Variants in SLC22A3 observed in about 807,000 individuals in gnomAD.
The protein encoded by SLC22A3 is solute carrier family 22 member 3.
SLC22A3 carries 51 observed loss-of-function variants against 59.1 expected under a neutral mutation model. The ratio of observed to expected loss-of-function variants is 0.86; its 90% CI spans 0.69 to 1.09. The LOEUF (loss-of-function observed/expected upper bound fraction) is 1.09, where lower values mean the gene tolerates loss of function less well. Ranked by LOEUF, SLC22A3 falls within the 50% of genes least tolerant of loss-of-function variation. The probability of loss-of-function intolerance (pLI) is 0.00; values close to 1 mark genes in which losing one functional copy is unlikely to be tolerated. For synonymous variants in SLC22A3, 325 were observed against 292.0 expected, an observed-to-expected ratio of 1.11 and a Z score of -1.15; for missense variants, 711 against 726.3, an observed-to-expected ratio of 0.98 and a Z score of 0.24.
At chr6:160,360,962 G>C (rs1784994955) in intron 1 of SLC22A3, among the ~76,000 whole-genome samples, 1 of 152,138 alleles carries the variant, frequency 6.6e-6, no homozygotes, top group African/African-American at 2.4e-5. Context: ...TAAAAGAAGG[G>C]GTAGGGAGTA....
chr6:160,378,687 T>C (rs1034545227), intron 1 of SLC22A3, among the ~76,000 whole-genome samples: 11 of 152,208 alleles, frequency 7.2e-5, no homozygotes, highest in African/African-American at 2.7e-4. Flanking sequence ...ATGCATTTAA[T>C]ATACCTAATC....
chr6:160,414,004 C>T (rs1787365134), intron 5 of SLC22A3, among the ~76,000 whole-genome samples: 1 of 152,176 alleles, frequency 6.6e-6, no homozygotes, highest in African/African-American at 2.4e-5. Flanking sequence ...TGAAGAATTT[C>T]CACAGTCTAA....
At chr6:160,377,739 A>G (rs1252849850) in intron 1 of SLC22A3, among the ~76,000 whole-genome samples, 3 of 152,134 alleles carry the variant, frequency 2.0e-5, no homozygotes, top group South Asian at 4.1e-4. Flanking sequence ...ACAATCCACC[A>G]AAAGAACAAA....
chr6:160,447,608 G>T, intron 9 of SLC22A3, 111 bp from the exon 10 acceptor site: 2 of 870,798 alleles, frequency 2.3e-6, no homozygotes, highest in Non-Finnish European at 3.9e-6. Flanking sequence ...GGTTGCTGTG[G>T]TTGAGAGCTA....
At chr6:160,419,791 A>G (rs1187059620) in intron 5 of SLC22A3, among the ~76,000 whole-genome samples, 1 of 152,204 alleles carries the variant, frequency 6.6e-6, no homozygotes, top group African/African-American at 2.4e-5. Context: ...TTGACTTAGA[A>G]TATGCTTGAA....
rs1420159593 is a variant in SLC22A3, at chr6:160,386,785, CATT to C, written c.430-11190_430-11188del. Among the ~76,000 whole-genome samples the C allele has an allele frequency of 2.0e-5, 3 of 152,208 alleles. No homozygotes were observed. In the East Asian group the frequency reaches 5.8e-4, roughly 29 times the overall value. On this transcript the variant is annotated intron_variant, in intron 1 of 10. Coordinates refer to ENST00000275300, the MANE Select transcript of SLC22A3 (RefSeq NM_021977.4). ...CAGCACTTACCCCAAGGCATGGTGT[CATT>C]ATTGCTGTTGCTTTGGAGCCTCTTA...
chr6:160,386,749 G>T (rs1391393646), intron 1 of SLC22A3, among the ~76,000 whole-genome samples: 1 of 152,240 alleles, frequency 6.6e-6, no homozygotes, highest in Non-Finnish European at 1.5e-5. Context: ...GCAGAGGTCG[G>T]CAGGCATGCA....
chr6:160,394,191 A>T (rs1459121438), intron 1 of SLC22A3, among the ~76,000 whole-genome samples: 2 of 152,230 alleles, frequency 1.3e-5, no homozygotes, highest in Admixed American at 1.3e-4. Flanking sequence ...GCCTTAGGAG[A>T]AGGACATAAA....
rs367824345 is a variant in SLC22A3 at position 160,361,518 on chromosome 6, G to A, written c.429+12670G>A. On this transcript the variant is annotated intron_variant, in intron 1 of 10. Transcript: ENST00000275300. ...TGCATATTGTACAATGCATATTGAA[G>A]CCAAAGGCTTCAATAATGTTCACTG... Among the ~76,000 whole-genome samples, 24 of 152,328 alleles carry A rather than the reference G, an allele frequency of 1.6e-4. 2 individuals are homozygous for A. The highest frequency in any genetic ancestry group is 5.8e-4 in the African/African-American group (24 of 41,582).
In SLC22A3 at chr6:160,451,042, C is replaced by A; in HGVS notation, c.1657C>A (p.Arg553Ser). Reference sequence around the variant, plus strand: ...CAGGAATAAGAAAACCCCAGTTTCCCGCTCTCACCTTTGAGGCCCCCGACA... The same window carrying A: ...CAGGAATAAGAAAACCCCAGTTTCCAGCTCTCACCTTTGAGGCCCCCGACA... ...CGRNKKTPVS[R>S]SHL The change falls in exon 11 of 11, where the codon CGC (arginine) becomes AGC (serine). Residue 553 changes from arginine to serine, a missense_variant. Arg to Ser is a moderately radical substitution (Grantham distance 110, BLOSUM62 -1). Coordinates refer to ENST00000275300, the MANE Select transcript of SLC22A3 (RefSeq NM_021977.4). 2 of 1,594,132 alleles carry A rather than the reference C, an allele frequency of 1.3e-6. No individual in the cohort carries two copies. Among genetic ancestry groups the A allele is most frequent in the African/African-American group, 1.3e-5 (1 of 74,446 alleles).
chr6:160,390,086 G>A (rs1786189589), intron 1 of SLC22A3, among the ~76,000 whole-genome samples: 1 of 152,160 alleles, frequency 6.6e-6, no homozygotes, highest in Admixed American at 6.5e-5. Context: ...CACTTATAAT[G>A]TATACTTTTT....
chr6:160,390,662 G>A (rs1322840490), intron 1 of SLC22A3, among the ~76,000 whole-genome samples: 1 of 152,170 alleles, frequency 6.6e-6, no homozygotes, highest in Non-Finnish European at 1.5e-5. Flanking sequence ...CCAGGACTCA[G>A]CACAAAGCTC....
At chr6:160,410,941 T>C in intron 5 of SLC22A3, 95 bp downstream of exon 5, 1 of 646,952 alleles carries the variant, frequency 1.5e-6, no homozygotes, top group Non-Finnish European at 2.8e-6. Flanking sequence ...TAAATTTATA[T>C]ACAAAATATG....
chr6:160,421,777 C>T (rs1354925086), intron 5 of SLC22A3, among the ~76,000 whole-genome samples: 1 of 152,116 alleles, frequency 6.6e-6, no homozygotes, highest in East Asian at 1.9e-4. Flanking sequence ...GTCCTTTTTC[C>T]GTTTCAAGCG....
chr6:160,369,425 A>T (rs895979910), intron 1 of SLC22A3, among the ~76,000 whole-genome samples: 1 of 152,212 alleles, frequency 6.6e-6, no homozygotes, highest in African/African-American at 2.4e-5. Flanking sequence ...TAGCACTTCC[A>T]GTGATGCCTG....
chr6:160,419,492 T>A (rs1184814275), intron 5 of SLC22A3, among the ~76,000 whole-genome samples: 1 of 152,204 alleles, frequency 6.6e-6, no homozygotes, highest in Non-Finnish European at 1.5e-5. Flanking sequence ...AAATCTCTCT[T>A]CGGGGAATTC....
chr6:160,379,706 T>C (rs1785726342), intron 1 of SLC22A3, among the ~76,000 whole-genome samples: 1 of 152,234 alleles, frequency 6.6e-6, no homozygotes, highest in African/African-American at 2.4e-5. Context: ...CTATGACTCA[T>C]GCTCTGTTCT....
In SLC22A3 at chr6:160,447,816, C is replaced by A. The variant is rs922138666; in HGVS notation, c.1608C>A (p.Gly536=). 8 of 1,612,234 alleles carry A rather than the reference C, an allele frequency of 5.0e-6. No individual in the cohort carries two copies. The highest frequency in any genetic ancestry group is 6.8e-6 in the Non-Finnish European group (8 of 1,178,520). The change falls in exon 10 of 11, where the codon GGC becomes GGA. Residue 536 remains glycine, a splice_region_variant and synonymous_variant. Coordinates refer to ENST00000275300, the MANE Select transcript of SLC22A3 (RefSeq NM_021977.4). ...PETVDDVEKL[G]SPHSCKCGRN... The stretch of plus-strand genomic sequence containing the variant: ...CAGTGGATGATGTAGAAAAACTTGG[C>A]AGGTACTGTACAAAATTCAATGCAC...
intron 1 of SLC22A3, among the ~76,000 whole-genome samples, chr6:160,362,096 G>T (rs544848303): frequency 6.6e-6 from 1 of 152,294 alleles, no homozygotes; most frequent in African/African-American, 2.4e-5. Flanking sequence ...GTTTACCTGG[G>T]GGTGTCACCT....
Sources: allele counts gnomAD v4.1 joint callset (sites outside exome capture counted in the v4.1 genomes callset), GRCh38; gene constraint gnomAD v4.1.1; transcripts MANE v1.5; gene names NCBI Gene and HGNC (gene_info 2026-07-23, HGNC 2026-07-21).